Variants in DLG2 observed in about 807,000 individuals in gnomAD.
DLG2 encodes the protein discs large MAGUK scaffold protein 2, also known as disks large homolog 2.
DLG2 carries 45 observed loss-of-function variants against 132.5 expected under a neutral mutation model. That is an observed-to-expected ratio of 0.34 (90% CI 0.27 to 0.44). The LOEUF (loss-of-function observed/expected upper bound fraction) is 0.44. Ranked by LOEUF, DLG2 falls within the 20% of genes least tolerant of loss-of-function variation. The pLI, the probability that DLG2 is intolerant of heterozygous loss-of-function variation, is 1.00. For missense variants in DLG2, 1,045 were observed against 1,196.9 expected, an observed-to-expected ratio of 0.87 and a Z score of 1.87; for synonymous variants, 424 against 419.6, an observed-to-expected ratio of 1.01 and a Z score of -0.13.
chr11:84,079,818 G>T (rs1287156368), intron 10 of DLG2, among the ~76,000 whole-genome samples: 1 of 152,102 alleles, frequency 6.6e-6, no homozygotes, highest in African/African-American at 2.4e-5. Flanking sequence ...GTGCCAGTCT[G>T]CACTCTCCCA....
intron 8 of DLG2, among the ~76,000 whole-genome samples, chr11:84,236,026 A>G (rs553599074): frequency 6.8e-6 from 1 of 146,626 alleles, no homozygotes; most frequent in African/African-American, 2.5e-5. Context: ...ACTGTGAGAT[A>G]TTTCCACCTT....
chr11:84,499,849 G>GT (rs1273030998), intron 7 of DLG2, among the ~76,000 whole-genome samples: 1 of 152,044 alleles, frequency 6.6e-6, no homozygotes, highest in Non-Finnish European at 1.5e-5. Context: ...GGCATAGGAG[G>GT]TAAGATTGTA....
At chr11:84,886,318 G>A (rs1234275108) in intron 6 of DLG2, among the ~76,000 whole-genome samples, 1 of 151,974 alleles carries the variant, frequency 6.6e-6, no homozygotes, top group East Asian at 1.9e-4. Flanking sequence ...TATGCTTATT[G>A]ATTATCATAT....
chr11:85,338,218 A>G (rs1341713483), intron 3 of DLG2, among the ~76,000 whole-genome samples: 1 of 152,210 alleles, frequency 6.6e-6, no homozygotes, highest in Non-Finnish European at 1.5e-5. Flanking sequence ...AGGGAAATCC[A>G]AAAAGGAGTA....
At chr11:83,831,307 T>C (rs1325179489) in intron 17 of DLG2, among the ~76,000 whole-genome samples, 1 of 152,210 alleles carries the variant, frequency 6.6e-6, no homozygotes, top group Non-Finnish European at 1.5e-5. Flanking sequence ...GCTCAGCTCT[T>C]GGATGGCAGA....
intron 6 of DLG2, among the ~76,000 whole-genome samples, chr11:84,813,874 C>T (rs1598715475): frequency 6.6e-6 from 1 of 152,176 alleles, no homozygotes; most frequent in Middle Eastern, 3.4e-3. Flanking sequence ...CCCTCTACAC[C>T]TCTCACTGGA....
intron 7 of DLG2, among the ~76,000 whole-genome samples, chr11:84,283,556 C>A (rs924050336): frequency 4.6e-5 from 7 of 152,194 alleles, no homozygotes; most frequent in Non-Finnish European, 1.0e-4. Flanking sequence ...GTCCAACATA[C>A]ATTTGACCAG....
chr11:83,959,073 A>T (rs1388307270), intron 14 of DLG2, among the ~76,000 whole-genome samples: 1 of 152,150 alleles, frequency 6.6e-6, no homozygotes, highest in Non-Finnish European at 1.5e-5. Flanking sequence ...TCTACATCAC[A>T]ATGAATGCCG....
At chr11:83,580,955 C>A (rs1368208324) in intron 19 of DLG2, among the ~76,000 whole-genome samples, 1 of 144,264 alleles carries the variant, frequency 6.9e-6, no homozygotes, top group East Asian at 2.2e-4. Flanking sequence ...CTCCATTCCT[C>A]CCTACATTCT....
intron 14 of DLG2, among the ~76,000 whole-genome samples, chr11:83,946,575 A>G (rs770678668): frequency 2.0e-5 from 3 of 151,894 alleles, no homozygotes; most frequent in Non-Finnish European, 4.4e-5. Context: ...TTTGAATGAC[A>G]TTAACTCTTT....
At chr11:84,821,576 G>A (rs1402792488) in intron 6 of DLG2, among the ~76,000 whole-genome samples, 4 of 149,898 alleles carry the variant, frequency 2.7e-5, no homozygotes, top group African/African-American at 9.8e-5. Context: ...ACAGGTGGTG[G>A]GCCAGATTTA....
chr11:84,624,234 C>A (rs2099618491), intron 6 of DLG2, among the ~76,000 whole-genome samples: 1 of 152,010 alleles, frequency 6.6e-6, no homozygotes, highest in Non-Finnish European at 1.5e-5. Context: ...TCCTGTTTTT[C>A]TTTTATACCA....
At chr11:84,578,364 C>A (rs910807002) in intron 6 of DLG2, among the ~76,000 whole-genome samples, 2 of 152,222 alleles carry the variant, frequency 1.3e-5, no homozygotes, top group Admixed American at 6.5e-5. Context: ...ACACTCAATG[C>A]CAGCCATGAA....
At chr11:85,101,980 G>T (rs2070922383) in intron 6 of DLG2, among the ~76,000 whole-genome samples, 1 of 152,002 alleles carries the variant, frequency 6.6e-6, no homozygotes, top group Non-Finnish European at 1.5e-5. Flanking sequence ...CAACAGTACT[G>T]TGAAGAAAGA....
intron 4 of DLG2, among the ~76,000 whole-genome samples, chr11:85,173,833 T>C (rs2079039330): frequency 6.6e-6 from 1 of 151,990 alleles, no homozygotes; most frequent in Non-Finnish European, 1.5e-5. Context: ...TAGTTTATGA[T>C]AAAACAGACT....
intron 21 of DLG2, among the ~76,000 whole-genome samples, chr11:83,520,726 GATAGATAGATAGA>G: frequency 6.6e-6 from 1 of 150,384 alleles, no homozygotes; most frequent in South Asian, 2.1e-4. Flanking sequence ...TAGATAGATA[GATAGATAGATAGA>G]GTGGGCTACA....
chr11:84,645,335 G>T (rs1329190110), intron 6 of DLG2, among the ~76,000 whole-genome samples: 7 of 152,116 alleles, frequency 4.6e-5, no homozygotes, highest in African/African-American at 1.4e-4. Flanking sequence ...ATATAAAGGG[G>T]CCTAAAATAA....
intron 4 of DLG2, among the ~76,000 whole-genome samples, chr11:85,214,613 T>C (rs1382512385): frequency 6.6e-6 from 1 of 152,200 alleles, no homozygotes; most frequent in Non-Finnish European, 1.5e-5. Flanking sequence ...CAGTATATGT[T>C]TCCCCTCTCA....
chr11:84,720,018 G>A (rs1222640996), intron 6 of DLG2, among the ~76,000 whole-genome samples: 1 of 151,986 alleles, frequency 6.6e-6, no homozygotes, highest in Non-Finnish European at 1.5e-5. Context: ...CAAGCAGAGA[G>A]CCACCCAAGG....
Sources: gnomAD v4.1 joint callset for allele counts (sites outside exome capture counted in the v4.1 genomes callset) on GRCh38, gnomAD v4.1.1 for gene constraint, MANE v1.5 for transcripts, NCBI Gene and HGNC (gene_info 2026-07-23, HGNC 2026-07-21) for gene names.